WWOX: variants seen among roughly 807,000 people sequenced by gnomAD.
WWOX encodes WW domain containing oxidoreductase.
WWOX carries 69 observed loss-of-function variants against 46.2 expected under a neutral mutation model. The ratio of observed to expected loss-of-function variants is 1.49; its 90% confidence interval spans 1.23 to 1.82. The LOEUF is 1.82. Among genes scored for constraint, WWOX ranks in the 40% most tolerant of loss-of-function variants. WWOX has a pLI of 0.00. For synonymous variants in WWOX, 359 were observed against 202.6 expected (o/e 1.77, Z -6.56); for missense variants, 919 against 542.6 (o/e 1.69, Z -6.89).
intron 4 of WWOX, among the ~76,000 whole-genome samples, chr16:78,138,433 C>T (rs897404797): frequency 1.5e-5 from 2 of 136,752 alleles, no homozygotes; most frequent in Non-Finnish European, 3.3e-5. Flanking sequence ...ATGTGAAAAC[C>T]AAAAGGGAAA....
At chr16:78,935,208 G>A (rs1278653067) in intron 8 of WWOX, among the ~76,000 whole-genome samples, 1 of 152,140 alleles carries the variant, frequency 6.6e-6, no homozygotes, top group Non-Finnish European at 1.5e-5. Context: ...ATTCCTCAAG[G>A]ATCTAGAACT....
intron 5 of WWOX, among the ~76,000 whole-genome samples, chr16:78,186,738 C>A (rs1465250246): frequency 2.0e-5 from 3 of 152,150 alleles, no homozygotes; most frequent in Non-Finnish European, 4.4e-5. Flanking sequence ...GCACTCCAGC[C>A]TGGGTGACAA....
intron 8 of WWOX, among the ~76,000 whole-genome samples, chr16:78,596,427 G>A (rs2045492203): frequency 6.7e-6 from 1 of 150,292 alleles, no homozygotes; most frequent in African/African-American, 2.4e-5. Flanking sequence ...GGATGACACA[G>A]GCTGCTGTGG....
chr16:78,219,834 C>G (rs1346297790), intron 5 of WWOX, among the ~76,000 whole-genome samples: 1 of 152,038 alleles, frequency 6.6e-6, no homozygotes, highest in African/African-American at 2.4e-5. Flanking sequence ...TTCCTGTTCT[C>G]TTGTTTTATC....
At chr16:78,414,043 C>G (rs1313421805) in intron 6 of WWOX, among the ~76,000 whole-genome samples, 2 of 151,898 alleles carry the variant, frequency 1.3e-5, no homozygotes, top group Non-Finnish European at 2.9e-5. Context: ...GTGATTTGTT[C>G]CTGCCCCACC....
intron 5 of WWOX, among the ~76,000 whole-genome samples, chr16:78,293,978 GAAAAAAAAAAAA>G (rs35079271): frequency 3.0e-4 from 9 of 30,322 alleles, no homozygotes; most frequent in African/African-American, 4.1e-4. Flanking sequence ...CTCTGTCTCA[GAAAAAAAAAAAA>G]AAAAAAAAAA....
intron 8 of WWOX, among the ~76,000 whole-genome samples, chr16:78,739,559 C>G (rs1354611229): frequency 6.6e-6 from 1 of 152,096 alleles, no homozygotes; most frequent in Non-Finnish European, 1.5e-5. Context: ...CGCCTGTAAT[C>G]CAGCACTTTG....
intron 4 of WWOX, among the ~76,000 whole-genome samples, chr16:78,154,645 C>T (rs1188482460): frequency 5.9e-5 from 9 of 152,134 alleles, no homozygotes; most frequent in African/African-American, 2.2e-4. Context: ...GGTTCAAGCT[C>T]CTGCAGATCC....
At chr16:78,470,251 G>A (rs1375784105) in intron 8 of WWOX, among the ~76,000 whole-genome samples, 2 of 152,188 alleles carry the variant, frequency 1.3e-5, no homozygotes, top group Non-Finnish European at 2.9e-5. Context: ...TGAGGCCTGG[G>A]AGTGGCACAA....
At chr16:79,075,239 C>T (rs1310832580) in intron 8 of WWOX, among the ~76,000 whole-genome samples, 1 of 152,178 alleles carries the variant, frequency 6.6e-6, no homozygotes, top group Non-Finnish European at 1.5e-5. Context: ...TTGAAAACTA[C>T]TGGCAGAATA....
chr16:78,809,106 G>C (rs1360107133), intron 8 of WWOX, among the ~76,000 whole-genome samples: 1 of 152,032 alleles, frequency 6.6e-6, no homozygotes, highest in Non-Finnish European at 1.5e-5. Flanking sequence ...TGCACACAGA[G>C]TGGGCTGTTT....
At chr16:78,804,869 G>T (rs907125197) in intron 8 of WWOX, among the ~76,000 whole-genome samples, 1 of 152,202 alleles carries the variant, frequency 6.6e-6, no homozygotes, top group Admixed American at 6.5e-5. Context: ...AGCCATGACA[G>T]TATTACGGGT....
At chr16:78,771,083 G>GCCA (rs2050052707) in intron 8 of WWOX, among the ~76,000 whole-genome samples, 1 of 152,234 alleles carries the variant, frequency 6.6e-6, no homozygotes, top group Non-Finnish European at 1.5e-5. Flanking sequence ...TGGCATGCAA[G>GCCA]TAAGCCAGCT....
intron 8 of WWOX, among the ~76,000 whole-genome samples, chr16:78,739,601 A>C (rs958030019): frequency 1.3e-5 from 2 of 152,208 alleles, no homozygotes; most frequent in African/African-American, 4.8e-5. Flanking sequence ...ACCTGAGGTT[A>C]GGAGTTCAAG....
chr16:78,909,330 C>G (rs1336215612), intron 8 of WWOX, among the ~76,000 whole-genome samples: 3 of 152,280 alleles, frequency 2.0e-5, no homozygotes, highest in Middle Eastern at 3.4e-3. Flanking sequence ...GAATCCAGAT[C>G]CGCTTTGGTA....
intron 4 of WWOX, among the ~76,000 whole-genome samples, chr16:78,115,715 G>C (rs1182909557): frequency 6.6e-6 from 1 of 152,102 alleles, no homozygotes; most frequent in East Asian, 1.9e-4. Flanking sequence ...GGGTATCCTT[G>C]CTTCAATATG....
chr16:78,946,913 A>C (rs550276941), intron 8 of WWOX, among the ~76,000 whole-genome samples: 1 of 152,288 alleles, frequency 6.6e-6, no homozygotes, highest in Admixed American at 6.5e-5. Flanking sequence ...TCAGTAGGAT[A>C]GTTTCCCTTC....
chr16:78,856,852 T>G (rs775037742), intron 8 of WWOX, among the ~76,000 whole-genome samples: 1 of 152,188 alleles, frequency 6.6e-6, no homozygotes, highest in Non-Finnish European at 1.5e-5. Flanking sequence ...GTTAGGCCAT[T>G]TTGTCATTGT....
chr16:78,718,944 A>G (rs961745470), intron 8 of WWOX, among the ~76,000 whole-genome samples: 1 of 151,852 alleles, frequency 6.6e-6, no homozygotes, highest in African/African-American at 2.4e-5. Flanking sequence ...GCTCTCTTGA[A>G]ATAATCTGCA....
Sources: gnomAD v4.1 joint callset for allele counts (sites outside exome capture counted in the v4.1 genomes callset) on GRCh38, gnomAD v4.1.1 for gene constraint, MANE v1.5 for transcripts, NCBI Gene and HGNC (gene_info 2026-07-23, HGNC 2026-07-21) for gene names.